The following TACC1 variants were observed in gnomAD, a reference collection of about 807,000 sequenced individuals.
TACC1 encodes the protein transforming acidic coiled-coil-containing protein 1.
Under a neutral mutation model 84.4 loss-of-function variants are expected in TACC1, and 48 were observed. The ratio of observed to expected loss-of-function variants is 0.57; its 90% CI spans 0.45 to 0.72. The LOEUF (loss-of-function observed/expected upper bound fraction) is 0.72, where lower values mean the gene tolerates loss of function less well. Among genes scored for constraint, TACC1 ranks in the 30% least tolerant of loss-of-function variants. The pLI, the probability that TACC1 is intolerant of heterozygous loss-of-function variation, is 0.00. For synonymous variants in TACC1, 372 were observed against 376.3 expected (o/e 0.99, Z 0.13); for missense variants, 920 against 973.0 (o/e 0.95, Z 0.72).
At chr8:38,752,111 C>A (rs1809155222) in intron 3 of TACC1, among the ~76,000 whole-genome samples, 1 of 152,156 alleles carries the variant, frequency 6.6e-6, no homozygotes. Flanking sequence ...ATTTCGCAAT[C>A]TTATAGGCAA....
In TACC1 at chr8:38,819,835, A is replaced by T; in HGVS notation, c.591A>T (p.Thr197=). 2 of 1,613,952 alleles carry T rather than the reference A, an allele frequency of 1.2e-6. No homozygotes were observed. Among genetic ancestry groups the T allele is most frequent in the Non-Finnish European group, 1.7e-6 (2 of 1,180,046 alleles). The change falls in exon 3 of 13, where the codon ACA becomes ACT. Residue 197 remains threonine, a synonymous_variant. Coordinates refer to ENST00000317827, the MANE Select transcript of TACC1 (RefSeq NM_006283.3). The part of the protein sequence containing the change: ...PPDALQDEAM[T]EGSMGVTLEA... ...ACGCCCTCCAGGACGAGGCGATGAC[A>T]GAAGGCAGCATGGGGGTCACCCTCG... is the stretch of plus-strand genomic sequence containing the variant.
chr8:38,836,139 C>G (rs1830179924), intron 6 of TACC1, 23 bp from the exon 7 acceptor site: 4 of 1,611,092 alleles, frequency 2.5e-6, no homozygotes, highest in Admixed American at 1.7e-5. Flanking sequence ...CTGACAGATT[C>G]AGTGTAATCC....
At chr8:38,830,474 T>G (rs553205761) in intron 5 of TACC1, among the ~76,000 whole-genome samples, 1 of 152,296 alleles carries the variant, frequency 6.6e-6, no homozygotes, top group East Asian at 1.9e-4. Flanking sequence ...GGCTTCGCCA[T>G]GTTGGCTAGG....
In TACC1 at chr8:38,838,569, G is replaced by A. The variant is rs771789501; in HGVS notation, c.1916+23G>A. The A allele has an allele frequency of 3.8e-6, 6 of 1,587,720 alleles. No homozygotes were observed. In the South Asian group the frequency reaches 6.6e-5, roughly 18 times the overall value. ...GAGGTTAGACTGGAGGTTTTGGGGA[G>A]GGGCTGGATACTTTTATGCACTGTT... On this transcript the variant is annotated intron_variant, in intron 8 of 12. Coordinates refer to ENST00000317827, the MANE Select transcript of TACC1 (RefSeq NM_006283.3).
At chr8:38,843,113 T>G (rs539281757) in intron 10 of TACC1, among the ~76,000 whole-genome samples, 176 bp from the exon 11 acceptor site, 187 of 152,228 alleles carry the variant, frequency 1.2e-3, no homozygotes, top group Non-Finnish European at 1.9e-3. Flanking sequence ...GAAGACATTA[T>G]GTAGAATTTC....
chr8:38,817,575 C>G (rs1251557862), intron 2 of TACC1, among the ~76,000 whole-genome samples: 1 of 152,010 alleles, frequency 6.6e-6, no homozygotes, highest in East Asian at 1.9e-4. Flanking sequence ...TTTAAAAAAT[C>G]CTTTTGAAAT....
At position 38,775,561 on chromosome 8, in the gene TACC1, G is replaced by A. The variant is rs537033892; in HGVS notation, c.27-13143G>A. Among the ~76,000 whole-genome samples, 17 of 152,326 alleles carry A rather than the reference G, an allele frequency of 1.1e-4. No homozygotes were observed. In the South Asian group the frequency reaches 3.1e-3, roughly 28 times the overall value. ...CTCCCTGTGTCCTCATTTGGCAGAA[G>A]AAGGGAGAGGGAGCTGTCTGGGGTC... On this transcript the variant is annotated intron_variant, in intron 3 of 14. Coordinates refer to the TACC1 transcript ENST00000518415.
chr8:38,817,927 A>G lies in TACC1; in HGVS notation c.278-1595A>G, dbSNP rs1587952590. Among the ~76,000 whole-genome samples, 3 of 148,088 alleles carry G rather than the reference A, an allele frequency of 2.0e-5. No homozygotes were observed. The South Asian group carries it at 6.5e-4, about 32-fold the overall frequency. ...ACAGAGTGAGAGACCCCTAAAAAAA[A>G]AAAAAAAAAAAAAAAAAAAACAGGC... is the stretch of plus-strand genomic sequence containing the variant. On this transcript the variant is annotated intron_variant, in intron 2 of 12. Coordinates refer to ENST00000317827, the MANE Select transcript of TACC1 (RefSeq NM_006283.3).
chr8:38,836,285 G>T lies in TACC1; in HGVS notation c.1837G>T (p.Glu613Ter). ...AGCCGTGCTCACCTTAATAAGAGAA[G>T]AGGTAAAAGCTCTCCTGTTTAGTCT... Reference protein sequence around the residue: ...KTAVLTLIREEIITKEIEANE... With the variant: ...KTAVLTLIRE The change falls in exon 7 of 13, where the codon GAG (glutamate) becomes TAG (stop). Residue 613 changes from glutamate (E) to a stop codon, truncating the protein, a stop_gained and splice_region_variant. Coordinates refer to ENST00000317827, the MANE Select transcript of TACC1 (RefSeq NM_006283.3). LOFTEE classifies it high-confidence loss of function. The T allele has an allele frequency of 6.2e-7, 1 of 1,607,540 alleles. No individual in the cohort carries two copies.
At chr8:38,766,288 TATCTTTATCA>T (rs771797292) in intron 3 of TACC1, among the ~76,000 whole-genome samples, 2 of 152,266 alleles carry the variant, frequency 1.3e-5, no homozygotes, top group Non-Finnish European at 2.9e-5. Context: ...AGTACAGTTT[TATCTTTATCA>T]ATCTTATATG....
chr8:38,767,354 A>G (rs1429286743), intron 3 of TACC1, among the ~76,000 whole-genome samples: 2 of 152,208 alleles, frequency 1.3e-5, no homozygotes, highest in African/African-American at 4.8e-5. Context: ...ATGATTCCTA[A>G]TAAGTGCCCC....
At chr8:38,812,910 G>A (rs1217200667) in intron 2 of TACC1, among the ~76,000 whole-genome samples, 1 of 152,178 alleles carries the variant, frequency 6.6e-6, no homozygotes, top group Non-Finnish European at 1.5e-5. Context: ...AAATACTTAG[G>A]TATTTGTTGA....
chr8:38,752,068 A>G (rs1809144235), intron 3 of TACC1, among the ~76,000 whole-genome samples: 1 of 152,224 alleles, frequency 6.6e-6, no homozygotes, highest in South Asian at 2.1e-4. Flanking sequence ...CATAAGTAGC[A>G]TTCTGGGGGT....
chr8:38,777,300 A>G (rs938128704), intron 3 of TACC1, among the ~76,000 whole-genome samples: 1 of 151,088 alleles, frequency 6.6e-6, no homozygotes, highest in Non-Finnish European at 1.5e-5. Flanking sequence ...CTCTCATGGA[A>G]CAGTCCTCAG....
At chr8:38,822,986 A>G (rs932119551) in intron 3 of TACC1, among the ~76,000 whole-genome samples, 2 of 152,208 alleles carry the variant, frequency 1.3e-5, no homozygotes, top group African/African-American at 2.4e-5. Context: ...AGAAGGACCA[A>G]TGAGATGCAG....
chr8:38,740,830 A>G, intron 1 of TACC1, among the ~76,000 whole-genome samples: 1 of 152,232 alleles, frequency 6.6e-6, no homozygotes, highest in South Asian at 2.1e-4. Context: ...GGAAGATGGA[A>G]AACTTTCAGA....
At chr8:38,842,553 T>TAGG in intron 10 of TACC1, 106 bp downstream of exon 10, 1 of 1,261,780 alleles carries the variant, frequency 7.9e-7, no homozygotes, top group Non-Finnish European at 1.1e-6. Flanking sequence ...TCCTTTTAAA[T>TAGG]AGGAGCTCAG....
At chr8:38,757,133 A>G in intron 3 of TACC1, 2 of 589,000 alleles carry the variant, frequency 3.4e-6, no homozygotes, top group Non-Finnish European at 4.7e-6. Context: ...GGGCCCTGCA[A>G]TCCGCGGAGA....
At chr8:38,827,606 A>G (rs1170869918) in intron 5 of TACC1, 1 of 555,722 alleles carries the variant, frequency 1.8e-6, no homozygotes, top group Non-Finnish European at 3.2e-6. Context: ...ATGCTGATGT[A>G]TGTGAGACTG....
Sources: allele counts gnomAD v4.1 joint callset (sites outside exome capture counted in the v4.1 genomes callset), GRCh38; gene constraint gnomAD v4.1.1; transcripts MANE v1.5; gene names NCBI Gene and HGNC (gene_info 2026-07-23, HGNC 2026-07-21).